Variants in AIG1 observed in about 807,000 individuals in gnomAD.
AIG1 encodes androgen-induced gene 1 protein.
A neutral mutation model predicts 31.4 loss-of-function variants in AIG1; 23 were observed. The observed-to-expected ratio is 0.73, with a 90% CI of 0.53 to 1.04. The LOEUF (loss-of-function observed/expected upper bound fraction) is 1.04. Ranked by LOEUF, AIG1 falls within the 50% of genes least tolerant of loss-of-function variation. The probability of loss-of-function intolerance (pLI) is 0.00; values close to 1 mark genes in which losing one functional copy is unlikely to be tolerated. For missense variants in AIG1, 274 were observed against 295.0 expected (o/e 0.93, Z 0.52); for synonymous variants, 100 against 110.5 (o/e 0.90, Z 0.60).
intron 3 of AIG1, among the ~76,000 whole-genome samples, chr6:143,276,199 A>T (rs1254201486): frequency 6.6e-6 from 1 of 152,206 alleles, no homozygotes; most frequent in East Asian, 1.9e-4. Flanking sequence ...GTTGCTCTTA[A>T]TTGCAACGAT....
intron 3 of AIG1, among the ~76,000 whole-genome samples, chr6:143,272,511 G>A (rs180759551): frequency 1.3e-5 from 2 of 152,270 alleles, no homozygotes; most frequent in East Asian, 1.9e-4. Context: ...TGTCCACATC[G>A]CTTCTGTTAA....
intron 1 of AIG1, among the ~76,000 whole-genome samples, chr6:143,097,791 G>A (rs55994979): frequency 2.0e-5 from 3 of 152,112 alleles, no homozygotes; most frequent in South Asian, 2.1e-4. Context: ...AAAAGCAATC[G>A]GAAGAAGCTT....
intron 2 of AIG1, among the ~76,000 whole-genome samples, chr6:143,155,452 C>T (rs1208884502): frequency 1.3e-5 from 2 of 151,856 alleles, no homozygotes; most frequent in Non-Finnish European, 2.9e-5. Context: ...TGGTGGGAGG[C>T]GTTCTAGGGA....
At chr6:143,165,533 A>G (rs1786843448) in intron 3 of AIG1, among the ~76,000 whole-genome samples, 1 of 81,234 alleles carries the variant, frequency 1.2e-5, no homozygotes, top group African/African-American at 7.6e-5. Flanking sequence ...TCCCATCTAC[A>G]CAGCCACCAC....
intron 4 of AIG1, among the ~76,000 whole-genome samples, chr6:143,322,927 T>C (rs1363787386): frequency 6.6e-6 from 1 of 152,190 alleles, no homozygotes; most frequent in Non-Finnish European, 1.5e-5. Context: ...GGAGAAGCAG[T>C]AGAAAGTTTT....
rs918604224 is a variant in AIG1 at position 143,250,007 on chromosome 6, G to T, written c.400-34103G>T. Among the ~76,000 whole-genome samples the T allele has an allele frequency of 3.9e-5, 6 of 152,232 alleles. No homozygotes were observed. In the East Asian group the frequency reaches 1.2e-3, roughly 29 times the overall value. ...TACAGCCGTGGCAAGCAATGCACAAGAAATCTAGAAAAAGGAAACTGCATG... is the reference window on the plus strand; with the variant it reads ...TACAGCCGTGGCAAGCAATGCACAATAAATCTAGAAAAAGGAAACTGCATG... On this transcript the variant is annotated intron_variant, in intron 3 of 5. Coordinates refer to ENST00000357847, the MANE Select transcript of AIG1 (RefSeq NM_016108.4).
intron 1 of AIG1, among the ~76,000 whole-genome samples, chr6:143,063,820 TCA>T (rs1342512749): frequency 6.6e-6 from 1 of 152,230 alleles, no homozygotes; most frequent in East Asian, 1.9e-4. Context: ...GTCAGGAATC[TCA>T]GGCTCTATGC....
chr6:143,143,526 A>AAAAAAAAAAAT (rs1784434735), intron 2 of AIG1, among the ~76,000 whole-genome samples: 1 of 53,126 alleles, frequency 1.9e-5, no homozygotes, highest in African/African-American at 7.0e-5. Context: ...AAAAAAAAAA[A>AAAAAAAAAAAT]AAATATATAT....
intron 1 of AIG1, among the ~76,000 whole-genome samples, chr6:143,126,531 G>A (rs546780500): frequency 9.2e-5 from 14 of 152,292 alleles, no homozygotes; most frequent in South Asian, 2.1e-4. Flanking sequence ...TGTGGAAAGC[G>A]GGGGATCCCT....
rs79768067 is a variant in AIG1 at position 143,111,893 on chromosome 6, T to C, written c.142-24942T>C. Among the ~76,000 whole-genome samples, 1,355 of 152,262 alleles carry C rather than the reference T, an allele frequency of 8.9e-3. 15 individuals carry two copies. The highest frequency in any genetic ancestry group is 0.024 in the African/African-American group (1,002 of 41,544). On this transcript the variant is annotated intron_variant, in intron 1 of 5. Coordinates refer to ENST00000357847, the MANE Select transcript of AIG1 (RefSeq NM_016108.4). ...GACCCTCTTCTCTATATCTCTCTCTTTTTTCTGTTCCCAAATAGCCTTACA... is the reference window on the plus strand; with the variant it reads ...GACCCTCTTCTCTATATCTCTCTCTCTTTTCTGTTCCCAAATAGCCTTACA...
chr6:143,097,567 G>A (rs1237986820), intron 1 of AIG1, among the ~76,000 whole-genome samples: 3 of 152,228 alleles, frequency 2.0e-5, no homozygotes, highest in Middle Eastern at 3.4e-3. Context: ...TCCAATGAGC[G>A]CTCCGTACTG....
intron 3 of AIG1, among the ~76,000 whole-genome samples, chr6:143,217,805 G>C (rs189824181): frequency 1.5e-3 from 229 of 152,286 alleles, no homozygotes; most frequent in Middle Eastern, 6.8e-3. Context: ...CACCACACCC[G>C]ACCACTTTCC....
At chr6:143,130,512 C>T (rs1024463903) in intron 1 of AIG1, among the ~76,000 whole-genome samples, 2 of 151,468 alleles carry the variant, frequency 1.3e-5, no homozygotes, top group Non-Finnish European at 2.9e-5. Context: ...GTCAGGAGTT[C>T]GAAACCTGCC....
chr6:143,059,730 C>G (rs1776092091), upstream of AIG1, among the ~76,000 whole-genome samples: 1 of 152,182 alleles, frequency 6.6e-6, no homozygotes, highest in Admixed American at 6.5e-5. Context: ...CTTCTCCCCA[C>G]CAGCCCTCCC....
intron 3 of AIG1, among the ~76,000 whole-genome samples, chr6:143,262,965 A>G (rs956454489): frequency 3.3e-5 from 5 of 152,200 alleles, no homozygotes; most frequent in African/African-American, 1.2e-4. Flanking sequence ...ATTATTCATA[A>G]AATTAACACC....
At chr6:143,321,187 T>G (rs1419651262) in intron 4 of AIG1, among the ~76,000 whole-genome samples, 1 of 152,134 alleles carries the variant, frequency 6.6e-6, no homozygotes, top group African/African-American at 2.4e-5. Flanking sequence ...CAGGTGATGG[T>G]TATGTTTATG....
rs1797253510 is a variant in AIG1 at position 143,280,274 on chromosome 6, G to A, written c.400-3836G>A. 6.6e-6 allele frequency among the ~76,000 whole-genome samples: 1 copy of A among 152,306 alleles called. No individual in the cohort carries two copies. Among genetic ancestry groups the A allele is most frequent in the African/African-American group, 2.4e-5 (1 of 41,558 alleles). ...AAAAGGGAACACTTATACACTGTTG[G>A]TGGGAGTGTAATTCAACCCATTGTT... is the stretch of plus-strand genomic sequence containing the variant. On this transcript the variant is annotated intron_variant, in intron 3 of 5. Coordinates refer to ENST00000357847, the MANE Select transcript of AIG1 (RefSeq NM_016108.4). The surrounding 1 kb of genome is among the most constrained non-coding windows in gnomAD (Gnocchi z 4.1).
At chr6:143,151,193 T>G (rs1281157180) in intron 2 of AIG1, among the ~76,000 whole-genome samples, 1 of 152,154 alleles carries the variant, frequency 6.6e-6, no homozygotes, top group Non-Finnish European at 1.5e-5. Context: ...CAATAAGCAC[T>G]TATTACCCTT....
At chr6:143,260,391 T>C (rs1370105581) in intron 3 of AIG1, among the ~76,000 whole-genome samples, 1 of 152,192 alleles carries the variant, frequency 6.6e-6, no homozygotes, top group Non-Finnish European at 1.5e-5. Context: ...ATTGTTGTGT[T>C]TGGTGTTTAT....
Sources: allele counts gnomAD v4.1 joint callset (sites outside exome capture counted in the v4.1 genomes callset), GRCh38; gene constraint gnomAD v4.1.1; non-coding constraint Gnocchi (gnomAD v3.1); transcripts MANE v1.5; gene names NCBI Gene and HGNC (gene_info 2026-07-23, HGNC 2026-07-21).